The following SCLT1 variants were observed in gnomAD, a reference collection of about 807,000 sequenced individuals.
The protein encoded by SCLT1 is sodium channel and clathrin linker 1.
Under a neutral mutation model 112.8 loss-of-function variants are expected in SCLT1, and 78 were observed. That is an observed-to-expected ratio of 0.69 (90% CI 0.58 to 0.83). The LOEUF (loss-of-function observed/expected upper bound fraction) is 0.83. SCLT1 is among the 40% of genes least tolerant of loss of function. SCLT1 has a pLI of 0.00. For missense variants in SCLT1, 747 were observed against 770.4 expected (o/e 0.97, Z 0.36); for synonymous variants, 257 against 254.7 (o/e 1.01, Z -0.09).
chr4:128,953,747 C>G (rs556377807), intron 13 of SCLT1, among the ~76,000 whole-genome samples: 1 of 148,208 alleles, frequency 6.7e-6, no homozygotes. Context: ...TGCAGTGAGC[C>G]GAGATGGCGC....
In SCLT1 at chr4:128,931,948, CTT is replaced by C. The variant is rs33969702; in HGVS notation, c.1829+4705_1829+4706del. ...CCTAAAATCTATTATATTTCTATCC[CTT>C]TTTTTTTTTTTAACAATTATAGCCC... On this transcript the variant is annotated intron_variant, in intron 18 of 20. Coordinates refer to ENST00000281142, the MANE Select transcript of SCLT1 (RefSeq NM_144643.4). Among the ~76,000 whole-genome samples, 1,350 of 146,112 alleles carry C rather than the reference CTT, an allele frequency of 9.2e-3. 8 individuals are homozygous for C. The highest frequency in any genetic ancestry group is 0.014 in the South Asian group (66 of 4,652).
intron 2 of SCLT1, among the ~76,000 whole-genome samples, chr4:129,073,930 T>C (rs976589574): frequency 2.0e-5 from 3 of 152,194 alleles, no homozygotes; most frequent in African/African-American, 7.2e-5. Flanking sequence ...CTTCTTATGC[T>C]AGTGGGTCCA....
intron 18 of SCLT1, among the ~76,000 whole-genome samples, chr4:128,924,458 C>T (rs79522053): frequency 0.018 from 2,654 of 151,620 alleles, 72 homozygotes; most frequent in African/African-American, 0.055. Flanking sequence ...TTAGTAGAGA[C>T]GGGGGTTTCA....
intron 10 of SCLT1, 33 bp from the exon 11 acceptor site, chr4:128,965,351 A>G (rs776548532): frequency 1.4e-6 from 2 of 1,388,460 alleles, no homozygotes; most frequent in East Asian, 2.3e-5. Flanking sequence ...GCTTACTTTG[A>G]GTATGTGAAA....
chr4:129,000,718 A>T (rs918338028), intron 6 of SCLT1, among the ~76,000 whole-genome samples: 2 of 151,974 alleles, frequency 1.3e-5, no homozygotes, highest in Non-Finnish European at 2.9e-5. Flanking sequence ...AAAAAACATA[A>T]GGCACCTTGG....
chr4:128,888,805 A>T (rs1733089360), intron 19 of SCLT1, 31 bp from the exon 20 acceptor site: 1 of 1,335,926 alleles, frequency 7.5e-7, no homozygotes, highest in Non-Finnish European at 1.1e-6. Flanking sequence ...ACAAGTTAGA[A>T]ATCCATATGT....
chr4:128,899,165 C>T (rs1258151021), intron 18 of SCLT1, among the ~76,000 whole-genome samples: 1 of 152,222 alleles, frequency 6.6e-6, no homozygotes, highest in Non-Finnish European at 1.5e-5. Context: ...TGCTCCCTAA[C>T]TCATTTTATG....
At chr4:128,988,136 A>C (rs929192090) in intron 9 of SCLT1, among the ~76,000 whole-genome samples, 3 of 152,166 alleles carry the variant, frequency 2.0e-5, no homozygotes, top group Non-Finnish European at 4.4e-5. Context: ...TATAAAACTC[A>C]CTGGCAATAG....
At chr4:128,877,835 G>T (rs1276497124) in intron 3 of SCLT1, among the ~76,000 whole-genome samples, 1 of 152,182 alleles carries the variant, frequency 6.6e-6, no homozygotes, top group Non-Finnish European at 1.5e-5. Context: ...TAACCTAATA[G>T]ATAATGAGCA....
In SCLT1 at chr4:129,093,234, C is replaced by T. The variant is rs1000857991; in HGVS notation, c.-131G>A. ...TCAAGCGCTCCAGCGGTGCAATCTG[C>T]ATCCTACTCACGCGGCATCTACAGC... On this transcript the variant is annotated 5_prime_UTR_variant, in exon 1 of 21. The change abolishes an upstream ATG in the 5' untranslated region. Coordinates refer to ENST00000281142, the MANE Select transcript of SCLT1 (RefSeq NM_144643.4). 1.3e-6 allele frequency: 1 copy of T among 780,968 alleles called. No homozygotes were observed. Among genetic ancestry groups the T allele is most frequent in the Non-Finnish European group, 2.2e-6 (1 of 449,712 alleles). 48.4% of individuals were successfully genotyped at this position (780,968 alleles called of 1,614,324 possible).
chr4:128,978,545 C>T (rs1350587395), intron 9 of SCLT1, among the ~76,000 whole-genome samples: 2 of 151,954 alleles, frequency 1.3e-5, no homozygotes, highest in Non-Finnish European at 1.5e-5. Context: ...AAAAAATCAT[C>T]AGTTAAGGAA....
chr4:128,884,511 T>G lies in SCLT1; in HGVS notation c.2033A>C (p.Lys678Thr). The change falls in exon 21 of 21, where the codon AAA becomes ACA. Residue 678 changes from lysine (K) to threonine (T), a missense_variant. Coordinates refer to ENST00000281142, the MANE Select transcript of SCLT1 (RefSeq NM_144643.4). ...TTCCAGATTCATCAGGGAGGCTGCTTTTCTTCTCTGCACTGTAATCACACT... is the reference window on the plus strand; with the variant it reads ...TTCCAGATTCATCAGGGAGGCTGCTGTTCTTCTCTGCACTGTAATCACACT... ...QLSVITVQRR[K>T]AASLMNLENI 1 of 1,605,546 alleles carries G rather than the reference T, an allele frequency of 6.2e-7. No individual in the cohort carries two copies.
At chr4:129,061,226 G>A (rs75963526) in intron 2 of SCLT1, among the ~76,000 whole-genome samples, 3,232 of 152,192 alleles carry the variant, frequency 0.021, 99 homozygotes, top group African/African-American at 0.068. Flanking sequence ...GGGCAGATGC[G>A]CGGCAGCAAG....
chr4:129,043,937 T>C (rs892379657), intron 3 of SCLT1, 56 bp downstream of exon 3: 11 of 864,308 alleles, frequency 1.3e-5, no homozygotes, highest in African/African-American at 3.4e-5. Flanking sequence ...TACTGAATTA[T>C]GCTAATAATA....
At chr4:128,955,916 T>C (rs1349199120) in intron 13 of SCLT1, among the ~76,000 whole-genome samples, 3 of 152,168 alleles carry the variant, frequency 2.0e-5, no homozygotes, top group African/African-American at 7.2e-5. Context: ...AAATACTTCC[T>C]GAGTGAATAG....
intron 16 of SCLT1, 63 bp from the exon 17 acceptor site, chr4:128,943,251 T>C: frequency 8.6e-7 from 1 of 1,162,524 alleles, no homozygotes; most frequent in Non-Finnish European, 1.2e-6. Context: ...AAGATAAAAG[T>C]CTGTCTACAT....
At chr4:128,976,046 A>G (rs1394987233) in intron 9 of SCLT1, among the ~76,000 whole-genome samples, 1 of 152,228 alleles carries the variant, frequency 6.6e-6, no homozygotes, top group Non-Finnish European at 1.5e-5. Flanking sequence ...ACTTGAAGTT[A>G]ATTCAAAATT....
chr4:128,925,976 T>C (rs902047512), intron 18 of SCLT1, among the ~76,000 whole-genome samples: 1 of 151,918 alleles, frequency 6.6e-6, no homozygotes, highest in Non-Finnish European at 1.5e-5. Context: ...ATATTTACAA[T>C]GGCTGGTTTA....
chr4:128,886,096 T>C (rs971997666), intron 20 of SCLT1, among the ~76,000 whole-genome samples: 2 of 152,236 alleles, frequency 1.3e-5, no homozygotes, highest in Non-Finnish European at 2.9e-5. Context: ...TGTGATTATA[T>C]TTATTAATTT....
Sources: allele counts gnomAD v4.1 joint callset (sites outside exome capture counted in the v4.1 genomes callset), GRCh38; gene constraint gnomAD v4.1.1; transcripts MANE v1.5; gene names NCBI Gene and HGNC (gene_info 2026-07-23, HGNC 2026-07-21).